ERBB4: variants seen among roughly 807,000 people sequenced by gnomAD.
ERBB4 encodes the protein erb-b2 receptor tyrosine kinase 4, also known as receptor tyrosine-protein kinase erbB-4.
A neutral mutation model predicts 158.0 loss-of-function variants in ERBB4; 42 were observed. That is an observed-to-expected ratio of 0.27 (90% CI 0.21 to 0.34). The LOEUF is 0.34. ERBB4 is among the 10% of genes least tolerant of loss of function. ERBB4 has a pLI of 1.00. For synonymous variants in ERBB4, 583 were observed against 558.7 expected, an observed-to-expected ratio of 1.04 and a Z score of -0.61; for missense variants, 1,333 against 1,624.1, an observed-to-expected ratio of 0.82 and a Z score of 3.08.
chr2:211,577,885 T>C (rs773587981), intron 19 of ERBB4, among the ~76,000 whole-genome samples: 3 of 152,140 alleles, frequency 2.0e-5, no homozygotes. Context: ...GGAAGCATTA[T>C]CTTTGAAAAC....
chr2:211,870,615 A>G (rs1485080202), intron 3 of ERBB4, among the ~76,000 whole-genome samples: 1 of 152,170 alleles, frequency 6.6e-6, no homozygotes, highest in Non-Finnish European at 1.5e-5. Context: ...GTAATATAAC[A>G]ACCTTGGCAT....
chr2:212,297,148 G>A (rs2086443021), intron 1 of ERBB4, among the ~76,000 whole-genome samples: 1 of 151,924 alleles, frequency 6.6e-6, no homozygotes, highest in African/African-American at 2.4e-5. Flanking sequence ...CATTTATTGA[G>A]TATACAAATA....
chr2:211,725,193 C>A lies in ERBB4; in HGVS notation c.624G>T (p.Leu208Phe). 1 of 1,610,492 alleles carries A rather than the reference C, an allele frequency of 6.2e-7. No homozygotes were observed. Among genetic ancestry groups the A allele is most frequent in the South Asian group, 1.1e-5 (1 of 90,978 alleles). Residue 208 changes from leucine (L) to phenylalanine (F), a missense_variant and splice_region_variant, in exon 6 of 28, where the codon TTG becomes TTT. Physicochemically the swap from Leu to Phe is conservative, Grantham distance 22. Transcript: ENST00000342788. ...ATTGTTCTGCACACACCGTCCTTGT[C>A]ACTGCAGAAGACAGAGATAGGACCA... ...WGPTENHCQTLTRTVCAEQCD... is the reference protein window; with the variant it reads ...WGPTENHCQTFTRTVCAEQCD...
chr2:211,991,636 T>C (rs1232715989), intron 2 of ERBB4, among the ~76,000 whole-genome samples: 4 of 152,192 alleles, frequency 2.6e-5, no homozygotes, highest in Non-Finnish European at 1.5e-5. Context: ...GGAGAACGAC[T>C]ATTGTAAAAA....
At chr2:212,399,586 T>TATATATA (rs1560214701) in intron 1 of ERBB4, among the ~76,000 whole-genome samples, 1 of 103,052 alleles carries the variant, frequency 9.7e-6, no homozygotes, top group African/African-American at 3.7e-5. Context: ...ATATATATAT[T>TATATATA]GGGCGTGGTG....
At chr2:212,125,928 T>C (rs935319598) in intron 1 of ERBB4, among the ~76,000 whole-genome samples, 1 of 152,242 alleles carries the variant, frequency 6.6e-6, no homozygotes, top group Non-Finnish European at 1.5e-5. Context: ...CCTTTAGGTA[T>C]ATACCCAGTA....
chr2:212,212,706 GTAA>G (rs2082975495), intron 1 of ERBB4, among the ~76,000 whole-genome samples: 2 of 152,182 alleles, frequency 1.3e-5, no homozygotes, highest in Admixed American at 6.6e-5. Flanking sequence ...AATGGTACTA[GTAA>G]CAAAACAGAC....
At chr2:212,260,363 A>G (rs1270742149) in intron 1 of ERBB4, among the ~76,000 whole-genome samples, 1 of 152,196 alleles carries the variant, frequency 6.6e-6, no homozygotes, top group Non-Finnish European at 1.5e-5. Context: ...ATTAGGTTGT[A>G]TACTTGATTA....
At chr2:211,875,096 G>T (rs1263367897) in intron 3 of ERBB4, among the ~76,000 whole-genome samples, 14 of 129,392 alleles carry the variant, frequency 1.1e-4, no homozygotes, top group Admixed American at 5.6e-4. Context: ...TGCAGATAAC[G>T]TTTTTTTTTT....
chr2:212,149,873 G>A (rs955518650), intron 1 of ERBB4, among the ~76,000 whole-genome samples: 7 of 152,234 alleles, frequency 4.6e-5, no homozygotes, highest in African/African-American at 1.7e-4. Flanking sequence ...AATACAAAGT[G>A]TCATGGGAAT....
intron 2 of ERBB4, among the ~76,000 whole-genome samples, chr2:212,044,480 G>C (rs1455262079): frequency 6.6e-6 from 1 of 152,008 alleles, no homozygotes; most frequent in Non-Finnish European, 1.5e-5. Context: ...TCGTATCAGA[G>C]TTACTGTATT....
At chr2:212,204,685 A>AGACT (rs2082684819) in intron 1 of ERBB4, among the ~76,000 whole-genome samples, 1 of 148,362 alleles carries the variant, frequency 6.7e-6, no homozygotes, top group African/African-American at 2.5e-5. Context: ...TGACAGAGTG[A>AGACT]GACTCTGTCC....
chr2:211,769,769 A>C (rs1435723088), intron 4 of ERBB4, among the ~76,000 whole-genome samples: 4 of 152,200 alleles, frequency 2.6e-5, no homozygotes, highest in African/African-American at 9.7e-5. Context: ...GGAAGCATTC[A>C]GTGTGGGTGA....
rs867228495 is a variant in ERBB4 at position 211,675,780 on chromosome 2, T to G, written c.1623-2523A>C. Among the ~76,000 whole-genome samples, 348 of 82,520 alleles carry G rather than the reference T, an allele frequency of 4.2e-3. 3 individuals carry two copies. Among genetic ancestry groups the G allele is most frequent in the African/African-American group, 0.013 (330 of 24,894 alleles). 54.1% of individuals were successfully genotyped at this position (82,520 alleles called of 152,430 possible). ...ATATATATTTAATATAATATATATA[T>G]AAAATATAATATTATATATATATAT... On this transcript the variant is annotated intron_variant, in intron 13 of 27. Coordinates refer to ENST00000342788, the MANE Select transcript of ERBB4 (RefSeq NM_005235.3).
intron 2 of ERBB4, among the ~76,000 whole-genome samples, chr2:211,995,461 G>T (rs1219203393): frequency 6.6e-6 from 1 of 151,996 alleles, no homozygotes; most frequent in African/African-American, 2.4e-5. Context: ...ATACATAGAG[G>T]TGGTGTCTAT....
At chr2:211,533,299 T>C (rs912610757) in intron 20 of ERBB4, among the ~76,000 whole-genome samples, 2 of 152,044 alleles carry the variant, frequency 1.3e-5, no homozygotes, top group Non-Finnish European at 2.9e-5. Flanking sequence ...CTTGTGACCA[T>C]GTCTTCTGTA....
At chr2:212,321,392 C>A (rs949557486) in intron 1 of ERBB4, among the ~76,000 whole-genome samples, 11 of 150,436 alleles carry the variant, frequency 7.3e-5, no homozygotes, top group African/African-American at 2.7e-4. Context: ...ATTTAAGACA[C>A]TGAACTGTTT....
rs2076485208 is a variant in ERBB4, at chr2:212,015,044, ATATATATAT to A, written c.235-67437_235-67429del. On this transcript the variant is annotated intron_variant, in intron 2 of 27. Transcript: ENST00000342788. ...CGTCTCTACTAAAAAAAAAAAAAAT[ATATATATAT>A]ATATATATATATATATATATATATA... is the stretch of plus-strand genomic sequence containing the variant. 9.7e-4 allele frequency among the ~76,000 whole-genome samples: 4 copies of A among 4,114 alleles called. 1 individual carries two copies. The highest frequency in any genetic ancestry group is 2.7e-3 in the African/African-American group (4 of 1,490). The allele number at this position is 4,114 out of a possible 152,430, so 2.7% of individuals were successfully genotyped here.
chr2:212,393,288 C>A (rs183896803), intron 1 of ERBB4, among the ~76,000 whole-genome samples: 30 of 152,076 alleles, frequency 2.0e-4, no homozygotes, highest in African/African-American at 6.5e-4. Flanking sequence ...GAATAAATTA[C>A]CCTTATGAGC....
Sources: allele counts gnomAD v4.1 joint callset (sites outside exome capture counted in the v4.1 genomes callset), GRCh38; gene constraint gnomAD v4.1.1; transcripts MANE v1.5; gene names NCBI Gene and HGNC (gene_info 2026-07-23, HGNC 2026-07-21).